The following PIEZO2 variants were observed in gnomAD, a reference collection of about 807,000 sequenced individuals.
PIEZO2 encodes the protein piezo-type mechanosensitive ion channel component 2.
A neutral mutation model predicts 337.3 loss-of-function variants in PIEZO2; 172 were observed. The observed-to-expected ratio is 0.51, with a 90% CI of 0.45 to 0.58. PIEZO2 has a LOEUF of 0.58. Ranked by LOEUF, PIEZO2 falls within the 20% of genes least tolerant of loss-of-function variation. The pLI is 0.00. For synonymous variants in PIEZO2, 1,251 were observed against 1,228.5 expected (o/e 1.02, Z -0.38); for missense variants, 3,028 against 3,391.3 (o/e 0.89, Z 2.66).
At chr18:10,994,153 A>G (rs923974439) in intron 2 of PIEZO2, among the ~76,000 whole-genome samples, 2 of 152,148 alleles carry the variant, frequency 1.3e-5, no homozygotes, top group African/African-American at 2.4e-5. Flanking sequence ...GTAGTCTCCA[A>G]TCCCATCCCA....
In PIEZO2 at chr18:10,854,533, T is replaced by C. The variant is rs974011639; in HGVS notation, c.917+820A>G. ...AACATCATCCTGCATGGAGGAATTT[T>C]CTCTCATTCACTGAGAATGACTTAT... On this transcript the variant is annotated intron_variant, in intron 7 of 55. Transcript: ENST00000674853. This position sits in a 1 kb window ranked among gnomAD's most constrained non-coding sequence, Gnocchi z 4.6. Among the ~76,000 whole-genome samples, 3 of 152,236 alleles carry C rather than the reference T, an allele frequency of 2.0e-5. No homozygotes were observed. The highest frequency in any genetic ancestry group is 4.4e-5 in the Non-Finnish European group (3 of 68,044).
chr18:10,800,313 CCT>C, intron 11 of PIEZO2, 22 bp downstream of exon 11: 1 of 1,513,962 alleles, frequency 6.6e-7, no homozygotes, highest in Non-Finnish European at 8.8e-7. Flanking sequence ...GAAATGCGAC[CCT>C]GAGTGCAGGG....
In PIEZO2 at chr18:10,746,086, T is replaced by C. The variant is rs1222171528; in HGVS notation, c.4425-1855A>G. ...AGTGATCCTATCCTGGTCTAGCTGC[T>C]ATCTCTACCCTGGATTATCATAGCA... On this transcript the variant is annotated intron_variant, in intron 30 of 55. Transcript: ENST00000674853. The surrounding 1 kb of genome is among the most constrained non-coding windows in gnomAD (Gnocchi z 4.2). Among the ~76,000 whole-genome samples, 1 of 152,228 alleles carries C rather than the reference T, an allele frequency of 6.6e-6. No individual in the cohort carries two copies. Among genetic ancestry groups the C allele is most frequent in the Non-Finnish European group, 1.5e-5 (1 of 68,048 alleles).
intron 7 of PIEZO2, among the ~76,000 whole-genome samples, chr18:10,814,211 T>G (rs1023989768): frequency 2.6e-5 from 4 of 152,064 alleles, no homozygotes. Context: ...CCTCATGATC[T>G]GCCCGCCTTG....
Position 10,980,272 on chromosome 18 carries a change from T to C in PIEZO2, c.161-612A>G, listed in dbSNP as rs1392673981. The stretch of plus-strand genomic sequence containing the variant: ...AAATCAATAAGTATAATTCACACAC[T>C]AGTGGGTTGCTATCATGGTTTTCTC... On this transcript the variant is annotated intron_variant, in intron 2 of 55. Transcript: ENST00000674853. The surrounding 1 kb of genome is among the most constrained non-coding windows in gnomAD (Gnocchi z 4.8). 1.3e-5 allele frequency among the ~76,000 whole-genome samples: 2 copies of C among 152,142 alleles called. No homozygotes were observed. The highest frequency in any genetic ancestry group is 2.9e-5 in the Non-Finnish European group (2 of 68,014).
intron 2 of PIEZO2, among the ~76,000 whole-genome samples, chr18:11,056,811 T>C (rs1345986166): frequency 1.3e-5 from 2 of 152,196 alleles, no homozygotes; most frequent in East Asian, 3.9e-4. Context: ...CAGGTGTCCA[T>C]GGTGCTCCTA....
chr18:11,140,743 G>A (rs1470689722), intron 1 of PIEZO2, among the ~76,000 whole-genome samples: 1 of 152,180 alleles, frequency 6.6e-6, no homozygotes, highest in African/African-American at 2.4e-5. Context: ...GCCACAGACC[G>A]ACTTTTCCCA....
Position 10,714,803 on chromosome 18 carries a change from T to C in PIEZO2, c.5384A>G (p.His1795Arg), listed in dbSNP as rs749911730. 1.5e-5 allele frequency: 23 copies of C among 1,537,272 alleles called. No individual in the cohort carries two copies. Among genetic ancestry groups the C allele is most frequent in the Middle Eastern group, 1.7e-4 (1 of 5,990 alleles). Residue 1795 changes from histidine to arginine, a missense_variant, in exon 39 of 56, where the codon CAC becomes CGC. This residue lies in a region of PIEZO2 where 1,925 missense variants were observed against 2,051.9 expected (regional missense o/e 0.94). Transcript: ENST00000674853. ...ATGTGAATCTAAACTATCCATCCTG[T>C]GGGCTGTCTGTGCACCTGAAGCAGC... ...PGAASGAQTA[H>R]RMDSLDSHDS...
Position 10,715,078 on chromosome 18 carries a change from C to T in PIEZO2, c.5257-148G>A, listed in dbSNP as rs188088751. The stretch of plus-strand genomic sequence containing the variant: ...CTAGGCAAGTGGGGATTGATGTCGA[C>T]TCATTTCATAAGTGGTTTCCAACAT... On this transcript the variant is annotated intron_variant, in intron 38 of 55. Coordinates refer to ENST00000674853, the MANE Select transcript of PIEZO2 (RefSeq NM_001378183.1). 2,401 of 755,714 alleles carry T rather than the reference C, an allele frequency of 3.2e-3. 43 individuals carry two copies. In the African/African-American group the frequency reaches 0.039, roughly 12 times the overall value. The allele number at this position is 755,714 out of a possible 1,614,324, so 46.8% of individuals were successfully genotyped here. A position where few individuals can be genotyped will look rare whatever the true frequency, so the allele number is the denominator to read the frequency against.
At chr18:10,811,985 C>T (rs1212007006) in intron 7 of PIEZO2, among the ~76,000 whole-genome samples, 2 of 152,210 alleles carry the variant, frequency 1.3e-5, no homozygotes, top group African/African-American at 2.4e-5. Flanking sequence ...AGGCGCCCGC[C>T]ACCACGCCCG....
At chr18:10,699,646 C>T (rs541200363) in intron 43 of PIEZO2, among the ~76,000 whole-genome samples, 1 of 152,198 alleles carries the variant, frequency 6.6e-6, no homozygotes, top group Admixed American at 6.5e-5. Context: ...GACTAATACA[C>T]AAGAAAAGAA....
At chr18:11,054,815 A>T (rs908430481) in intron 2 of PIEZO2, among the ~76,000 whole-genome samples, 1 of 152,280 alleles carries the variant, frequency 6.6e-6, no homozygotes, top group South Asian at 2.1e-4. Flanking sequence ...CAGGGAGAGG[A>T]GCATGGATGA....
chr18:11,103,811 G>A (rs975519108), intron 1 of PIEZO2, among the ~76,000 whole-genome samples: 12 of 135,438 alleles, frequency 8.9e-5, no homozygotes, highest in Non-Finnish European at 1.9e-4. Context: ...GTGTGTGTGC[G>A]TGTGTGCGTG....
At chr18:11,134,941 C>T (rs1260442891) in intron 1 of PIEZO2, among the ~76,000 whole-genome samples, 5 of 151,928 alleles carry the variant, frequency 3.3e-5, no homozygotes, top group Non-Finnish European at 5.9e-5. Context: ...CACTGAACTA[C>T]AGACACCATG....
In PIEZO2 at chr18:11,097,274, T is replaced by C. The variant is rs1241446708; in HGVS notation, c.65-31052A>G. On this transcript the variant is annotated intron_variant, in intron 1 of 55. Transcript: ENST00000674853. The surrounding 1 kb of genome is among the most constrained non-coding windows in gnomAD (Gnocchi z 5.0). ...AAAATTATATGAAAGTCAATTTCAG[T>C]GTCCATCAGTGAAGTTTTCTTGGAG... 1.3e-5 allele frequency among the ~76,000 whole-genome samples: 2 copies of C among 152,242 alleles called. No individual in the cohort carries two copies. The highest frequency in any genetic ancestry group is 2.1e-4 in the South Asian group (1 of 4,830).
intron 4 of PIEZO2, among the ~76,000 whole-genome samples, chr18:10,874,800 A>C (rs2042228566): frequency 6.6e-6 from 1 of 152,200 alleles, no homozygotes. Context: ...GGTGGTAACC[A>C]AAGGCTGAGA....
In PIEZO2 at chr18:10,979,795, T is replaced by G; in HGVS notation, c.161-135A>C. The stretch of plus-strand genomic sequence containing the variant: ...ATATGGAATGTAATAATTATCATCT[T>G]AATTATTAGTCTATAGCTAAATGGT... On this transcript the variant is annotated intron_variant, in intron 2 of 55. Coordinates refer to ENST00000674853, the MANE Select transcript of PIEZO2 (RefSeq NM_001378183.1). The surrounding 1 kb of genome is among the most constrained non-coding windows in gnomAD (Gnocchi z 4.0). The G allele has an allele frequency of 1.3e-6, 1 of 751,944 alleles. No individual in the cohort carries two copies. Among genetic ancestry groups the G allele is most frequent in the Non-Finnish European group, 1.9e-6 (1 of 527,090 alleles). The allele number at this position is 751,944 out of a possible 1,614,324, so 46.6% of individuals were successfully genotyped here.
chr18:10,698,616 G>A lies in PIEZO2; in HGVS notation c.6694+309C>T, dbSNP rs144320090. Among the ~76,000 whole-genome samples the A allele has an allele frequency of 7.2e-5, 11 of 152,220 alleles. No individual in the cohort carries two copies. The East Asian group carries it at 7.7e-4, about 11-fold the overall frequency. On this transcript the variant is annotated intron_variant, in intron 44 of 55. Transcript: ENST00000674853. ...TCTGGACACGCCCTGCAGATTTTTC[G>A]CATGTAACACAAATAAATTATCATG...
intron 13 of PIEZO2, among the ~76,000 whole-genome samples, chr18:10,793,498 TC>T (rs2039480117): frequency 6.6e-6 from 1 of 152,210 alleles, no homozygotes; most frequent in Admixed American, 6.5e-5. Context: ...AGGAGACAAT[TC>T]AACTAGTGAC....
Sources: allele counts gnomAD v4.1 joint callset (sites outside exome capture counted in the v4.1 genomes callset), GRCh38; gene constraint gnomAD v4.1.1; regional missense constraint gnomAD v4.1.1; non-coding constraint Gnocchi (gnomAD v3.1); transcripts MANE v1.5; gene names NCBI Gene and HGNC (gene_info 2026-07-23, HGNC 2026-07-21).